GPC6: variants seen among roughly 807,000 people sequenced by gnomAD.
GPC6 encodes glypican 6.
A neutral mutation model predicts 55.2 loss-of-function variants in GPC6; 14 were observed. The observed-to-expected ratio is 0.25, with a 90% CI of 0.17 to 0.40. The LOEUF is 0.40. Among genes scored for constraint, GPC6 ranks in the 10% least tolerant of loss-of-function variants. GPC6 has a pLI of 1.00. For missense variants in GPC6, 641 were observed against 708.5 expected (o/e 0.90, Z 1.08); for synonymous variants, 278 against 259.6 (o/e 1.07, Z -0.68).
At chr13:93,412,799 A>G (rs922138732) in intron 1 of GPC6, among the ~76,000 whole-genome samples, 4 of 152,214 alleles carry the variant, frequency 2.6e-5, no homozygotes, top group South Asian at 4.1e-4. Context: ...ACCCTGCAGG[A>G]AGGTCTGGCC....
At chr13:93,527,762 A>G (rs751287297) in intron 1 of GPC6, among the ~76,000 whole-genome samples, 1 of 152,084 alleles carries the variant, frequency 6.6e-6, no homozygotes, top group Non-Finnish European at 1.5e-5. Flanking sequence ...ATATTTACCT[A>G]TGGGCATCCA....
At position 93,509,608 on chromosome 13, in the gene GPC6, T is replaced by C. The variant is rs77935598; in HGVS notation, c.161-35655T>C. On this transcript the variant is annotated intron_variant, in intron 1 of 8. Transcript: ENST00000377047. The stretch of plus-strand genomic sequence containing the variant: ...ATGATGATTATTTTCTTAAAGCTTC[T>C]GTCTAAATGTTAATATCTGTGGACA... Among the ~76,000 whole-genome samples the C allele has an allele frequency of 5.9e-4, 90 of 152,336 alleles. 1 individual carries two copies. Among genetic ancestry groups the C allele is most frequent in the African/African-American group, 2.0e-3 (85 of 41,568 alleles).
intron 1 of GPC6, among the ~76,000 whole-genome samples, chr13:93,531,247 T>G (rs1338848296): frequency 6.6e-6 from 1 of 150,706 alleles, no homozygotes; most frequent in Non-Finnish European, 1.5e-5. Flanking sequence ...AACATATATA[T>G]TTTACATATA....
intron 1 of GPC6, among the ~76,000 whole-genome samples, chr13:93,341,566 G>T (rs954716483): frequency 1.3e-5 from 2 of 152,054 alleles, no homozygotes; most frequent in African/African-American, 4.8e-5. Context: ...ATCTATTCAT[G>T]TCCTTTGCCC....
chr13:93,490,636 A>C (rs1393430746), intron 1 of GPC6, among the ~76,000 whole-genome samples: 5 of 130,864 alleles, frequency 3.8e-5, no homozygotes, highest in Non-Finnish European at 8.0e-5. Context: ...GTCATCTAGC[A>C]TTAGGTATAT....
chr13:93,840,836 T>C (rs1887928541), intron 3 of GPC6, among the ~76,000 whole-genome samples: 1 of 152,010 alleles, frequency 6.6e-6, no homozygotes, highest in Admixed American at 6.6e-5. Context: ...ACAGCACAAA[T>C]AAAAAAGACC....
At chr13:93,306,406 C>A (rs1465231670) in intron 1 of GPC6, among the ~76,000 whole-genome samples, 3 of 152,004 alleles carry the variant, frequency 2.0e-5, no homozygotes, top group Non-Finnish European at 4.4e-5. Flanking sequence ...TTGTTTGATT[C>A]ATTGTTTAGC....
intron 1 of GPC6, among the ~76,000 whole-genome samples, chr13:93,364,627 T>A (rs1881173939): frequency 6.6e-6 from 1 of 151,658 alleles, no homozygotes; most frequent in South Asian, 2.1e-4. Flanking sequence ...TCTAAAACAA[T>A]TTCATATATC....
Position 93,227,363 on chromosome 13 carries a change from CGCGCCGCT to C in GPC6, c.-91_-84del. ...GGTGACGCTGGGCAGCGGCGAGGAG[CGCGCCGCT>C]GCCTCTGGCGGGCTTTCGGCTTGAG... On this transcript the variant is annotated 5_prime_UTR_variant, in exon 1 of 9. Transcript: ENST00000377047. The surrounding 1 kb of genome is among the most constrained non-coding windows in gnomAD (Gnocchi z 4.3). 7.8e-7 allele frequency: 1 copy of C among 1,289,320 alleles called. No individual in the cohort carries two copies. Among genetic ancestry groups the C allele is most frequent in the Non-Finnish European group, 1.1e-6 (1 of 911,854 alleles). The allele number at this position is 1,289,320 out of a possible 1,614,324, so 79.9% of individuals were successfully genotyped here. A position where few individuals can be genotyped will look rare whatever the true frequency, so the allele number is the denominator to read the frequency against.
intron 2 of GPC6, among the ~76,000 whole-genome samples, chr13:93,643,206 A>G (rs1305820105): frequency 6.6e-6 from 1 of 152,058 alleles, no homozygotes; most frequent in Non-Finnish European, 1.5e-5. Flanking sequence ...ATGAATTTCA[A>G]AGTTTCCTAA....
chr13:93,248,096 G>A (rs1466115776), intron 1 of GPC6, among the ~76,000 whole-genome samples: 1 of 152,162 alleles, frequency 6.6e-6, no homozygotes, highest in Non-Finnish European at 1.5e-5. Context: ...CTGTGATTTA[G>A]GAGTGCCAAT....
At chr13:93,317,725 T>C (rs1171065347) in intron 1 of GPC6, among the ~76,000 whole-genome samples, 1 of 152,158 alleles carries the variant, frequency 6.6e-6, no homozygotes, top group Non-Finnish European at 1.5e-5. Context: ...ATTGGTTTTG[T>C]TAAAACTACC....
intron 1 of GPC6, among the ~76,000 whole-genome samples, chr13:93,356,176 T>C (rs1172345430): frequency 1.3e-5 from 2 of 152,186 alleles, no homozygotes; most frequent in African/African-American, 2.4e-5. Flanking sequence ...TGTTGCAAGA[T>C]AATAAACGGA....
At chr13:94,164,198 A>G (rs1293525844) in intron 4 of GPC6, among the ~76,000 whole-genome samples, 17 of 152,206 alleles carry the variant, frequency 1.1e-4, no homozygotes, top group Non-Finnish European at 2.9e-5. Flanking sequence ...ATAAAACTGT[A>G]TCTATTGAAA....
chr13:93,404,673 G>A (rs1876220183), intron 1 of GPC6, among the ~76,000 whole-genome samples: 1 of 151,922 alleles, frequency 6.6e-6, no homozygotes, highest in Admixed American at 6.6e-5. Flanking sequence ...AAAAATTTTG[G>A]GATTTCCCAA....
chr13:93,495,395 C>T (rs1210160355), intron 1 of GPC6, among the ~76,000 whole-genome samples: 1 of 133,376 alleles, frequency 7.5e-6, no homozygotes, highest in Non-Finnish European at 1.6e-5. Context: ...AAGCACTTCT[C>T]TGTATTGGTT....
intron 3 of GPC6, among the ~76,000 whole-genome samples, chr13:94,019,738 A>T (rs1237877606): frequency 1.3e-5 from 2 of 152,182 alleles, no homozygotes; most frequent in African/African-American, 4.8e-5. Flanking sequence ...ATTTCCTAAT[A>T]AAGTCTTATT....
chr13:93,949,541 G>T (rs1879160811), intron 3 of GPC6, among the ~76,000 whole-genome samples: 1 of 152,146 alleles, frequency 6.6e-6, no homozygotes, highest in Non-Finnish European at 1.5e-5. Context: ...AAGCTGAATT[G>T]AAATGGACAT....
intron 3 of GPC6, among the ~76,000 whole-genome samples, chr13:94,000,960 C>G (rs1881771613): frequency 6.6e-6 from 1 of 152,102 alleles, no homozygotes; most frequent in Non-Finnish European, 1.5e-5. Context: ...TTACTTGATT[C>G]TGGGATTTCT....
Sources: allele counts gnomAD v4.1 joint callset (sites outside exome capture counted in the v4.1 genomes callset), GRCh38; gene constraint gnomAD v4.1.1; non-coding constraint Gnocchi (gnomAD v3.1); transcripts MANE v1.5; gene names NCBI Gene and HGNC (gene_info 2026-07-23, HGNC 2026-07-21).